The following ECE1 variants were observed in gnomAD, a reference collection of about 807,000 sequenced individuals.
ECE1 encodes the protein endothelin-converting enzyme 1.
In ECE1, 35 loss-of-function variants were observed where a neutral mutation model predicts 98.6. That is an observed-to-expected ratio of 0.35 (90% CI 0.27 to 0.47). The LOEUF is 0.47. Among genes scored for constraint, ECE1 ranks in the 20% least tolerant of loss-of-function variants. ECE1 has a pLI of 1.00. For missense variants in ECE1, 814 were observed against 1,025.3 expected, an observed-to-expected ratio of 0.79 and a Z score of 2.81; for synonymous variants, 394 against 407.1, an observed-to-expected ratio of 0.97 and a Z score of 0.39.
rs188984603 is a variant in ECE1 at position 21,279,615 on chromosome 1, C to T, written c.139-283G>A. On this transcript the variant is annotated intron_variant, in intron 2 of 18. Transcript: ENST00000374893. ...CGATATGAGTGGAAGGAAAAAACTACAGCTTTTCCCTGTTTCTCCAGTGAG... is the reference window on the plus strand; with the variant it reads ...CGATATGAGTGGAAGGAAAAAACTATAGCTTTTCCCTGTTTCTCCAGTGAG... The T allele has an allele frequency of 5.6e-6, 8 of 1,429,582 alleles. No homozygotes were observed. In the African/African-American group the frequency reaches 5.7e-5, roughly 10 times the overall value. The allele number at this position is 1,429,582 out of a possible 1,614,324, so 88.6% of individuals were successfully genotyped here. A position where few individuals can be genotyped will look rare whatever the true frequency, so the allele number is the denominator to read the frequency against.
intron 10 of ECE1, among the ~76,000 whole-genome samples, chr1:21,242,787 T>C (rs1464983267): frequency 6.6e-6 from 1 of 152,188 alleles, no homozygotes; most frequent in Admixed American, 6.6e-5. Flanking sequence ...TAATTAATTT[T>C]TTAAAAAGTG....
chr1:21,255,068 C>T (rs551228283), intron 8 of ECE1, among the ~76,000 whole-genome samples: 3 of 152,228 alleles, frequency 2.0e-5, no homozygotes, highest in Admixed American at 1.3e-4. Flanking sequence ...AGCGCAAGGT[C>T]CCAAGACGGA....
At chr1:21,262,235 G>T (rs529832274) in intron 4 of ECE1, among the ~76,000 whole-genome samples, 1 of 152,124 alleles carries the variant, frequency 6.6e-6, no homozygotes, top group South Asian at 2.1e-4. Flanking sequence ...TGGAGGGTTC[G>T]TACAGCCCTG....
rs901534097 is a variant in ECE1, at chr1:21,236,750, T to A, written c.1484A>T (p.Glu495Val). ...MDEETRKSAK[E>V]KADAIYNMIG... ...CAAGTGCCTGGCCAGCCTCACCTTT[T>A]CCTTGGCTGATTTTCGGGTTTCCTC... The change falls in exon 12 of 19, where the codon GAA becomes GTA. Residue 495 changes from glutamate (E) to valine (V), a missense_variant. Physicochemically the swap from Glu to Val is moderately radical, Grantham distance 121 (BLOSUM62 -2). Around this residue, in one of 3 missense-constraint regions of ECE1, gnomAD observed 452 missense variants for 567.3 expected, o/e 0.80. Coordinates refer to ENST00000374893, the MANE Select transcript of ECE1 (RefSeq NM_001397.3). 6.2e-7 allele frequency: 1 copy of A among 1,613,796 alleles called. No individual in the cohort carries two copies. Among genetic ancestry groups the A allele is most frequent in the Non-Finnish European group, 8.5e-7 (1 of 1,180,036 alleles).
At chr1:21,339,338 G>A (rs150477855) in intron 1 of ECE1, among the ~76,000 whole-genome samples, 95 of 152,266 alleles carry the variant, frequency 6.2e-4, no homozygotes, top group African/African-American at 2.2e-3. Context: ...TCTGGCTACC[G>A]GCTCAACAGT....
intron 4 of ECE1, among the ~76,000 whole-genome samples, chr1:21,269,539 G>A (rs2098237815): frequency 6.6e-6 from 1 of 152,152 alleles, no homozygotes; most frequent in Non-Finnish European, 1.5e-5. Context: ...AAAAATCTGG[G>A]TGACCTCTCT....
chr1:21,270,427 C>T (rs1463070222), intron 4 of ECE1, among the ~76,000 whole-genome samples: 2 of 152,174 alleles, frequency 1.3e-5, no homozygotes, highest in African/African-American at 2.4e-5. Flanking sequence ...TCCCTTGTAC[C>T]TGAAGGAGGT....
intron 1 of ECE1, among the ~76,000 whole-genome samples, chr1:21,305,188 C>G (rs564084198): frequency 6.6e-6 from 1 of 152,320 alleles, no homozygotes; most frequent in Admixed American, 6.5e-5. Context: ...AGCATAGACA[C>G]AGGCCGTTTC....
At chr1:21,299,998 C>G in intron 1 of ECE1, among the ~76,000 whole-genome samples, 1 of 152,222 alleles carries the variant, frequency 6.6e-6, no homozygotes, top group East Asian at 1.9e-4. Context: ...GAGCTCATAT[C>G]CTGACCCTGA....
rs59878754 is a variant in ECE1 at position 21,272,101 on chromosome 1, C to T, written c.493+598G>A. 2.2e-4 allele frequency among the ~76,000 whole-genome samples: 34 copies of T among 152,286 alleles called. No individual in the cohort carries two copies. In the East Asian group the frequency reaches 6.6e-3, roughly 29 times the overall value. On this transcript the variant is annotated intron_variant, in intron 4 of 18. Coordinates refer to ENST00000374893, the MANE Select transcript of ECE1 (RefSeq NM_001397.3). ...CACCCTACATGCCACACACACCATG[C>T]TAATGCTTTACACATGTGCTCTCTA... is the stretch of plus-strand genomic sequence containing the variant.
chr1:21,225,142 C>T lies in ECE1; in HGVS notation c.2040+108G>A, dbSNP rs1295226217. The stretch of plus-strand genomic sequence containing the variant: ...TTTCGCAGAAGAGGAAACGGAAGCT[C>T]GCACGGCTGCTGCGCCTGCCCTGGT... On this transcript the variant is annotated intron_variant, in intron 17 of 18. Coordinates refer to ENST00000374893, the MANE Select transcript of ECE1 (RefSeq NM_001397.3). The surrounding 1 kb of genome is among the most constrained non-coding windows in gnomAD (Gnocchi z 5.3). 1.8e-5 allele frequency: 26 copies of T among 1,444,586 alleles called. No homozygotes were observed. The highest frequency in any genetic ancestry group is 2.4e-4 in the Middle Eastern group (1 of 4,106). The allele number at this position is 1,444,586 out of a possible 1,614,324, so 89.5% of individuals were successfully genotyped here. A position where few individuals can be genotyped will look rare whatever the true frequency, so the allele number is the denominator to read the frequency against.
At chr1:21,221,918 G>A in intron 17 of ECE1, 76 bp from the exon 18 acceptor site, 2 of 1,333,688 alleles carry the variant, frequency 1.5e-6, no homozygotes, top group Non-Finnish European at 1.1e-6. Context: ...GGAGGTCTCA[G>A]GGAGCTCCCC....
At chr1:21,267,775 A>T (rs953410250) in intron 4 of ECE1, among the ~76,000 whole-genome samples, 1 of 152,256 alleles carries the variant, frequency 6.6e-6, no homozygotes, top group Non-Finnish European at 1.5e-5. Flanking sequence ...TGCTGTCCAT[A>T]GATGGCTTCC....
chr1:21,315,100 A>G (rs1426040073), intron 1 of ECE1, among the ~76,000 whole-genome samples: 1 of 152,236 alleles, frequency 6.6e-6, no homozygotes, highest in Non-Finnish European at 1.5e-5. Flanking sequence ...TGTCACACTC[A>G]TTAATTTCAA....
intron 1 of ECE1, among the ~76,000 whole-genome samples, chr1:21,331,215 C>T (rs942245036): frequency 2.0e-5 from 3 of 152,028 alleles, no homozygotes; most frequent in South Asian, 2.1e-4. Flanking sequence ...CGACCCTGGC[C>T]AACATGGTGA....
In ECE1 at chr1:21,322,627, G is replaced by A. The variant is rs997756915; in HGVS notation, c.3+22749C>T. ...ATGGGGACACCAGTGTGGTGGCACTGTTTGGCCCTGAGGGGTTGGAAGTTG... is the reference window on the plus strand; with the variant it reads ...ATGGGGACACCAGTGTGGTGGCACTATTTGGCCCTGAGGGGTTGGAAGTTG... On this transcript the variant is annotated intron_variant, in intron 1 of 18. Transcript: ENST00000415912. The surrounding 1 kb of genome is among the most constrained non-coding windows in gnomAD (Gnocchi z 4.1). 2.6e-5 allele frequency among the ~76,000 whole-genome samples: 4 copies of A among 152,224 alleles called. No homozygotes were observed. Among genetic ancestry groups the A allele is most frequent in the African/African-American group, 9.6e-5 (4 of 41,454 alleles).
intron 1 of ECE1, among the ~76,000 whole-genome samples, chr1:21,323,434 G>A (rs1239295756): frequency 1.3e-5 from 2 of 152,028 alleles, no homozygotes; most frequent in African/African-American, 2.4e-5. Flanking sequence ...CACTGTTCTC[G>A]ACAGATATAG....
chr1:21,217,424 A>G lies in ECE1; in HGVS notation c.*2531T>C, dbSNP rs2098162083. 1 of 151,986 alleles carries G rather than the reference A, an allele frequency of 6.6e-6. No homozygotes were observed. The highest frequency in any genetic ancestry group is 1.5e-5 in the Non-Finnish European group (1 of 68,058). 9.4% of individuals were successfully genotyped at this position (151,986 alleles called of 1,614,324 possible). A position where few individuals can be genotyped will look rare whatever the true frequency, so the allele number is the denominator to read the frequency against. ...GGAGGGGTCTCACTTCATTTTCCTT[A>G]AAGCTCTGGAGCGGGTAGTGGCAGT... On this transcript the variant is annotated 3_prime_UTR_variant, in exon 19 of 19. Transcript: ENST00000374893.
intron 10 of ECE1, among the ~76,000 whole-genome samples, chr1:21,243,291 A>G (rs1457987332): frequency 6.6e-6 from 1 of 152,134 alleles, no homozygotes; most frequent in African/African-American, 2.4e-5. Context: ...TATTATCATC[A>G]TTATGTAAGT....
Sources: gnomAD v4.1 joint callset for allele counts (sites outside exome capture counted in the v4.1 genomes callset) on GRCh38, gnomAD v4.1.1 for gene constraint, gnomAD v4.1.1 regional missense constraint, Gnocchi (gnomAD v3.1) non-coding constraint, MANE v1.5 for transcripts, NCBI Gene and HGNC (gene_info 2026-07-23, HGNC 2026-07-21) for gene names.